The following IQGAP2 variants were observed in gnomAD, a reference collection of about 807,000 sequenced individuals.
IQGAP2 encodes ras GTPase-activating-like protein IQGAP2.
IQGAP2 carries 173 observed loss-of-function variants against 201.3 expected under a neutral mutation model. The ratio of observed to expected loss-of-function variants is 0.86; its 90% confidence interval spans 0.76 to 0.98. The LOEUF is 0.98. Ranked by LOEUF, IQGAP2 falls within the 50% of genes least tolerant of loss-of-function variation. The pLI is 0.00. For missense variants in IQGAP2, 1,687 were observed against 1,864.8 expected, an observed-to-expected ratio of 0.90 and a Z score of 1.76; for synonymous variants, 675 against 673.9, an observed-to-expected ratio of 1.00 and a Z score of -0.03.
Position 76,673,992 on chromosome 5 carries a change from A to T in IQGAP2, c.3250A>T (p.Ile1084Phe), listed in dbSNP as rs371564584. The change falls in exon 26 of 36, where the codon ATC becomes TTC. Residue 1084 changes from isoleucine to phenylalanine, a missense_variant. Coordinates refer to ENST00000274364, the MANE Select transcript of IQGAP2 (RefSeq NM_006633.5). Reference sequence around the variant, plus strand: ...TATAGCCAAAGTACTGAAGAATTCGATCCATGAGAAATTCCCCGATGCAAC... The same window carrying T: ...TATAGCCAAAGTACTGAAGAATTCGTTCCATGAGAAATTCCCCGATGCAAC... ...RYIAKVLKNS[I>F]HEKFPDATED... 1.2e-6 allele frequency: 2 copies of T among 1,609,494 alleles called. No individual in the cohort carries two copies. The highest frequency in any genetic ancestry group is 1.7e-6 in the Non-Finnish European group (2 of 1,175,866).
At chr5:76,443,748 A>G (rs974993052) in intron 1 of IQGAP2, among the ~76,000 whole-genome samples, 3 of 152,166 alleles carry the variant, frequency 2.0e-5, no homozygotes, top group African/African-American at 7.2e-5. Flanking sequence ...TGTCTGAAAC[A>G]TATCCAGGGT....
chr5:76,461,581 G>A lies in IQGAP2; in HGVS notation c.58G>A (p.Asp20Asn), dbSNP rs778649304. 5.0e-6 allele frequency: 8 copies of A among 1,612,660 alleles called. No homozygotes were observed. The highest frequency in any genetic ancestry group is 2.2e-5 in the South Asian group (2 of 91,036). The change falls in exon 2 of 36, where the codon GAT (aspartate) becomes AAT (asparagine). Residue 20 changes from aspartate to asparagine, a missense_variant. Asp to Asn is a conservative substitution (Grantham distance 23). Transcript: ENST00000274364. ...TCCTCTATTTCTAGCTATTGTGGACGATGAAAGGCTCTCTGCAGAGGAGAT... is the reference window on the plus strand; with the variant it reads ...TCCTCTATTTCTAGCTATTGTGGACAATGAAAGGCTCTCTGCAGAGGAGAT... ...QRPRYGSIVDDERLSAEEMDE... is the reference protein window; with the variant it reads ...QRPRYGSIVDNERLSAEEMDE...
At chr5:76,483,729 T>C (rs1755936103) in intron 2 of IQGAP2, among the ~76,000 whole-genome samples, 1 of 152,246 alleles carries the variant, frequency 6.6e-6, no homozygotes, top group South Asian at 2.1e-4. Flanking sequence ...GATATGTGTG[T>C]GTCTGCTCTT....
chr5:76,693,731 G>A (rs567005806), intron 31 of IQGAP2: 16 of 248,742 alleles, frequency 6.4e-5, no homozygotes, highest in Non-Finnish European at 9.3e-5. Flanking sequence ...CATCATAATG[G>A]GCAAATAAGT....
In IQGAP2 at chr5:76,562,437, C is replaced by T. The variant is rs1034084718; in HGVS notation, c.188C>T (p.Thr63Ile). 7 of 1,613,696 alleles carry T rather than the reference C, an allele frequency of 4.3e-6. No individual in the cohort carries two copies. Among genetic ancestry groups the T allele is most frequent in the Non-Finnish European group, 5.9e-6 (7 of 1,179,854 alleles). ...TTAGTTGAAGAATTGCCACCAACCA[C>T]TGAATTGGAAGAAGGGCTCCGGAAT... Reference protein sequence around the residue: ...VCLVEELPPTTELEEGLRNGV... With the variant: ...VCLVEELPPTIELEEGLRNGV... Residue 63 changes from threonine (T) to isoleucine (I), a missense_variant, in exon 3 of 36, where the codon ACT becomes ATT. Coordinates refer to ENST00000274364, the MANE Select transcript of IQGAP2 (RefSeq NM_006633.5).
intron 2 of IQGAP2, among the ~76,000 whole-genome samples, chr5:76,537,890 T>C (rs1039679642): frequency 6.6e-6 from 1 of 152,208 alleles, no homozygotes; most frequent in African/African-American, 2.4e-5. Flanking sequence ...AAGTAACCTC[T>C]GTAATATGGG....
intron 1 of IQGAP2, among the ~76,000 whole-genome samples, chr5:76,443,877 CTA>C (rs913122750): frequency 1.1e-4 from 16 of 152,162 alleles, no homozygotes; most frequent in East Asian, 3.9e-4. Flanking sequence ...ACACTTTTTT[CTA>C]TTTCATAGCC....
At chr5:76,450,164 A>G (rs1195287675) in intron 1 of IQGAP2, among the ~76,000 whole-genome samples, 1 of 152,190 alleles carries the variant, frequency 6.6e-6, no homozygotes, top group Non-Finnish European at 1.5e-5. Context: ...TTCCCATGAG[A>G]GAGCTGTTCT....
chr5:76,573,137 G>T (rs527387323), intron 4 of IQGAP2, among the ~76,000 whole-genome samples: 4 of 152,112 alleles, frequency 2.6e-5, no homozygotes, highest in East Asian at 1.9e-4. Flanking sequence ...AATAAAAAAC[G>T]AATTTAAACA....
intron 2 of IQGAP2, among the ~76,000 whole-genome samples, chr5:76,472,735 T>C (rs1453480366): frequency 6.6e-6 from 1 of 152,234 alleles, no homozygotes; most frequent in Non-Finnish European, 1.5e-5. Context: ...TTCAGAGTGC[T>C]GGTATTTTAA....
At chr5:76,623,303 TC>T in intron 13 of IQGAP2, 8 of 1,553,844 alleles carry the variant, frequency 5.1e-6, no homozygotes, top group Non-Finnish European at 8.9e-7. Context: ...TCACCTCAGT[TC>T]CATGTGTCAG....
intron 5 of IQGAP2, among the ~76,000 whole-genome samples, chr5:76,584,463 T>TG (rs986734046): frequency 2.0e-5 from 3 of 151,966 alleles, no homozygotes; most frequent in African/African-American, 2.4e-5. Context: ...CACAAAACGC[T>TG]GGGGGTTGCA....
intron 20 of IQGAP2, among the ~76,000 whole-genome samples, chr5:76,658,112 T>C (rs1742916370): frequency 6.6e-6 from 1 of 152,122 alleles, no homozygotes; most frequent in South Asian, 2.1e-4. Flanking sequence ...CGAGGTAACT[T>C]ATGTTAACTT....
chr5:76,428,604 AT>A (rs201558264), intron 1 of IQGAP2, among the ~76,000 whole-genome samples: 1 of 150,368 alleles, frequency 6.7e-6, no homozygotes, highest in Non-Finnish European at 1.5e-5. Context: ...CTAATTTTGC[AT>A]TTTTTTTAGT....
rs374695851 is a variant in IQGAP2, at chr5:76,487,011, G to A, written c.146+25342G>A. 2.0e-5 allele frequency among the ~76,000 whole-genome samples: 3 copies of A among 151,816 alleles called. No homozygotes were observed. The East Asian group carries it at 5.8e-4, about 29-fold the overall frequency. ...TGATCCATGCCAAACACTGTTTTAA[G>A]CACAATAGTGTTTTTTTAATGTAAT... On this transcript the variant is annotated intron_variant, in intron 2 of 35. Coordinates refer to ENST00000274364, the MANE Select transcript of IQGAP2 (RefSeq NM_006633.5).
intron 1 of IQGAP2, among the ~76,000 whole-genome samples, chr5:76,437,368 T>A (rs968551340): frequency 4.6e-4 from 70 of 152,220 alleles, no homozygotes; most frequent in African/African-American, 1.4e-3. Flanking sequence ...TTTTAAAAAA[T>A]TTTTATTTTA....
chr5:76,587,921 G>C (rs1746362589), intron 5 of IQGAP2, among the ~76,000 whole-genome samples: 1 of 150,768 alleles, frequency 6.6e-6, no homozygotes, highest in Non-Finnish European at 1.5e-5. Context: ...ACTCCAGCCT[G>C]GGCGACAGAG....
intron 32 of IQGAP2, among the ~76,000 whole-genome samples, 157 bp from the exon 33 acceptor site, chr5:76,697,830 C>G (rs949650768): frequency 6.6e-6 from 1 of 151,958 alleles, no homozygotes; most frequent in Non-Finnish European, 1.5e-5. Flanking sequence ...GGATGGGAAC[C>G]CTGTGGTGTT....
At chr5:76,551,219 G>T (rs896537903) in intron 2 of IQGAP2, among the ~76,000 whole-genome samples, 1 of 151,368 alleles carries the variant, frequency 6.6e-6, no homozygotes, top group African/African-American at 2.4e-5. Flanking sequence ...GGTCGGGGCC[G>T]GGCAGAGGCA....
Sources: allele counts gnomAD v4.1 joint callset (sites outside exome capture counted in the v4.1 genomes callset), GRCh38; gene constraint gnomAD v4.1.1; transcripts MANE v1.5; gene names NCBI Gene and HGNC (gene_info 2026-07-23, HGNC 2026-07-21).